The following MED17 variants were observed in gnomAD, a reference collection of about 807,000 sequenced individuals.
MED17 encodes mediator complex subunit 17, also known as mediator of RNA polymerase II transcription subunit 17.
Under a neutral mutation model 80.8 loss-of-function variants are expected in MED17, and 49 were observed. The ratio of observed to expected loss-of-function variants is 0.61; its 90% CI spans 0.48 to 0.77. The LOEUF (loss-of-function observed/expected upper bound fraction) is 0.77, where lower values mean the gene tolerates loss of function less well. MED17 is among the 30% of genes least tolerant of loss of function. MED17 has a pLI of 0.00. For synonymous variants in MED17, 281 were observed against 280.4 expected, an observed-to-expected ratio of 1.00 and a Z score of -0.02; for missense variants, 718 against 787.0, an observed-to-expected ratio of 0.91 and a Z score of 1.05.
At chr11:93,809,240 CAGGG>C (rs1201844627) in intron 10 of MED17, 1 of 271,550 alleles carries the variant, frequency 3.7e-6, no homozygotes, top group East Asian at 9.1e-5. Flanking sequence ...GACAACCTCA[CAGGG>C]AGGGTGCCAG....
rs182269510 is a variant in MED17 at position 93,791,136 on chromosome 11, G to A, written c.637+343G>A. Among the ~76,000 whole-genome samples, 37 of 152,252 alleles carry A rather than the reference G, an allele frequency of 2.4e-4. No homozygotes were observed. The East Asian group carries it at 7.0e-3, about 29-fold the overall frequency. On this transcript the variant is annotated intron_variant, in intron 3 of 11. Transcript: ENST00000251871. ...CACAAACAAAAACAATGCTTTCTGT[G>A]TAAGTATAATGTTAAACATCCTTCT...
In MED17 at chr11:93,813,614, G is replaced by C. The variant is rs932120203; in HGVS notation, c.*1550G>C. The C allele has an allele frequency of 6.6e-6, 1 of 152,158 alleles. No individual in the cohort carries two copies. Among genetic ancestry groups the C allele is most frequent in the Non-Finnish European group, 1.5e-5 (1 of 68,044 alleles). 9.4% of individuals were successfully genotyped at this position (152,158 alleles called of 1,614,324 possible). On this transcript the variant is annotated 3_prime_UTR_variant, in exon 12 of 12. Transcript: ENST00000251871. ...GTTTATATAAACTTCTCCCATTGCA[G>C]ATTGATACTTTGGTAAACTAATAAA...
chr11:93,806,276 T>A (rs1321923605), intron 9 of MED17: 1 of 151,776 alleles, frequency 6.6e-6, no homozygotes, highest in East Asian at 1.9e-4. Context: ...CAGCCTTTAT[T>A]TTTTTTTATT....
Position 93,813,435 on chromosome 11 carries a change from C to G in MED17, c.*1371C>G, listed in dbSNP as rs531509897. ...TATGAATTTGCAGTTATTTAAAAAT[C>G]TTGAGTGCTTCAAAAATTATTGTTG... On this transcript the variant is annotated 3_prime_UTR_variant, in exon 12 of 12. Coordinates refer to ENST00000251871, the MANE Select transcript of MED17 (RefSeq NM_004268.5). 4.6e-5 allele frequency: 7 copies of G among 152,272 alleles called. No individual in the cohort carries two copies. Among genetic ancestry groups the G allele is most frequent in the Admixed American group, 2.0e-4 (3 of 15,290 alleles). The allele number at this position is 152,272 out of a possible 1,614,324, so 9.4% of individuals were successfully genotyped here. A position where few individuals can be genotyped will look rare whatever the true frequency, so the allele number is the denominator to read the frequency against.
rs1422614019 is a variant in MED17 at position 93,814,588 on chromosome 11, G to C, written c.*2524G>C. 6.6e-6 allele frequency: 1 copy of C among 152,190 alleles called. No homozygotes were observed. The highest frequency in any genetic ancestry group is 2.4e-5 in the African/African-American group (1 of 41,444). 9.4% of individuals were successfully genotyped at this position (152,190 alleles called of 1,614,324 possible). On this transcript the variant is annotated 3_prime_UTR_variant, in exon 12 of 12. Transcript: ENST00000251871. The stretch of plus-strand genomic sequence containing the variant: ...TGCCTCCTCTACTAACCTCAGTGGT[G>C]ATTGAGAAGTTTCAGTAACGTTGGT...
At chr11:93,809,924 T>C in intron 11 of MED17, 48 bp downstream of exon 11, 1 of 1,596,890 alleles carries the variant, frequency 6.3e-7, no homozygotes, top group Non-Finnish European at 8.6e-7. Context: ...GAGTTTGGCT[T>C]TAACATTTAG....
In MED17 at chr11:93,795,044, C is replaced by T; in HGVS notation, c.996C>T (p.Ile332=). The T allele has an allele frequency of 6.2e-7, 1 of 1,614,158 alleles. No homozygotes were observed. Among genetic ancestry groups the T allele is most frequent in the Non-Finnish European group, 8.5e-7 (1 of 1,180,026 alleles). The change falls in exon 6 of 12, where the codon ATC becomes ATT. Residue 332 remains isoleucine (I), a synonymous_variant. Transcript: ENST00000251871. ...VPHIVVKNQI[I]SQPFPSLQLS... is the part of the protein sequence containing the mutation. ...ACATTGTGGTGAAAAACCAGATTATCTCTCAGCCCTTTCCGAGTAAGAGCA... is the reference window on the plus strand; with the variant it reads ...ACATTGTGGTGAAAAACCAGATTATTTCTCAGCCCTTTCCGAGTAAGAGCA...
chr11:93,784,479 G>T lies in MED17; in HGVS notation c.-35G>T, dbSNP rs748946066. 8.9e-6 allele frequency: 14 copies of T among 1,573,752 alleles called. No individual in the cohort carries two copies. Among genetic ancestry groups the T allele is most frequent in the Middle Eastern group, 1.7e-4 (1 of 5,910 alleles). ...CTTCGTACCTCGTTTTTTGGCTCGT[G>T]GGGGGTCCTCCCACCGCTGGCCGAC... On this transcript the variant is annotated 5_prime_UTR_variant, in exon 1 of 12. Transcript: ENST00000251871.
At chr11:93,794,705 CTCA>C in intron 5 of MED17, 200 bp from the exon 6 acceptor site, 1 of 606,146 alleles carries the variant, frequency 1.6e-6, no homozygotes, top group Non-Finnish European at 2.9e-6. Flanking sequence ...TGGGGAACTT[CTCA>C]ATACCCTGCC....
rs1384258472 is a variant in MED17, at chr11:93,813,595, A to G, written c.*1531A>G. 1 of 152,342 alleles carries G rather than the reference A, an allele frequency of 6.6e-6. No individual in the cohort carries two copies. The highest frequency in any genetic ancestry group is 6.5e-5 in the Admixed American group (1 of 15,300). 9.4% of individuals were successfully genotyped at this position (152,342 alleles called of 1,614,324 possible). A position where few individuals can be genotyped will look rare whatever the true frequency, so the allele number is the denominator to read the frequency against. On this transcript the variant is annotated 3_prime_UTR_variant, in exon 12 of 12. Transcript: ENST00000251871. The stretch of plus-strand genomic sequence containing the variant: ...TGCTGAATGACCAGTTTTTGTTTAT[A>G]TAAACTTCTCCCATTGCAGATTGAT...
At chr11:93,803,793 C>T (rs1382304639) in intron 9 of MED17, among the ~76,000 whole-genome samples, 1 of 151,670 alleles carries the variant, frequency 6.6e-6, no homozygotes, top group Non-Finnish European at 1.5e-5. Context: ...GGTTACAGGT[C>T]CCAATCTAAA....
intron 6 of MED17, chr11:93,795,799 A>C (rs1046228138): frequency 6.4e-6 from 1 of 155,276 alleles, no homozygotes; most frequent in Non-Finnish European, 1.4e-5. Flanking sequence ...ACGCAGTAAG[A>C]CTGCCTACCT....
At chr11:93,790,860 A>C (rs1360036620) in intron 3 of MED17, 67 bp downstream of exon 3, 2 of 1,392,016 alleles carry the variant, frequency 1.4e-6, no homozygotes, top group African/African-American at 2.9e-5. Flanking sequence ...TAATCCTAGC[A>C]CTTTGGAAGG....
intron 11 of MED17, chr11:93,811,488 TAG>T (rs944510786): frequency 1.1e-5 from 3 of 274,914 alleles, no homozygotes; most frequent in Non-Finnish European, 2.1e-5. Flanking sequence ...CCTGGCAACA[TAG>T]AGAGACCTTG....
chr11:93,797,688 A>C lies in MED17; in HGVS notation c.1297A>C (p.Lys433Gln). 6.2e-7 allele frequency: 1 copy of C among 1,613,386 alleles called. No homozygotes were observed. The highest frequency in any genetic ancestry group is 8.5e-7 in the Non-Finnish European group (1 of 1,179,348). The change falls in exon 8 of 12, where the codon AAA becomes CAA. Residue 433 changes from lysine (K) to glutamine (Q), a missense_variant. Lys to Gln is a moderately conservative substitution (Grantham distance 53, BLOSUM62 1). Coordinates refer to ENST00000251871, the MANE Select transcript of MED17 (RefSeq NM_004268.5). ...TGAAGGGCTTCTGGAAAAAATAATT[A>C]AACAAGCAAAGCATATTTTTCTAAG... ...SSEGLLEKII[K>Q]QAKHIFLRSR...
Position 93,787,955 on chromosome 11 carries a change from G to A in MED17, c.251-46G>A, listed in dbSNP as rs199769995. 5.7e-5 allele frequency: 87 copies of A among 1,519,692 alleles called. 2 individuals are homozygous for A. The East Asian group carries it at 7.2e-4, about 13-fold the overall frequency. 94.1% of individuals were successfully genotyped at this position (1,519,692 alleles called of 1,614,324 possible). A position where few individuals can be genotyped will look rare whatever the true frequency, so the allele number is the denominator to read the frequency against. ...CTAAGTGAGCTGTCTGCCATTCAAT[G>A]TAACGAATACTTCTGTATTTCTTTT... On this transcript the variant is annotated intron_variant, in intron 1 of 11. Transcript: ENST00000251871.
chr11:93,793,119 T>TTTTTTTTTTTTTTTTTTTTTG (rs1943857684), intron 3 of MED17: 1 of 119,212 alleles, frequency 8.4e-6, no homozygotes, highest in Non-Finnish European at 1.8e-5. Flanking sequence ...CACCTCTTTT[T>TTTTTTTTTTTTTTTTTTTTTG]TTTTTTTTTT....
intron 9 of MED17, among the ~76,000 whole-genome samples, chr11:93,803,625 G>T (rs534092203): frequency 6.6e-6 from 1 of 152,030 alleles, no homozygotes; most frequent in Non-Finnish European, 1.5e-5. Flanking sequence ...TTCTGTTGGT[G>T]TTTATTATTT....
At chr11:93,803,642 C>G (rs1482803855) in intron 9 of MED17, among the ~76,000 whole-genome samples, 1 of 151,966 alleles carries the variant, frequency 6.6e-6, no homozygotes, top group East Asian at 1.9e-4. Context: ...ATTTATTTGC[C>G]AGTAAGCCTT....
Sources: gnomAD v4.1 joint callset for allele counts (sites outside exome capture counted in the v4.1 genomes callset) on GRCh38, gnomAD v4.1.1 for gene constraint, MANE v1.5 for transcripts, NCBI Gene and HGNC (gene_info 2026-07-23, HGNC 2026-07-21) for gene names.